OMD: variants seen among roughly 807,000 people sequenced by gnomAD.
OMD encodes the protein osteomodulin.
OMD carries 19 observed loss-of-function variants against 31.2 expected under a neutral mutation model. That is an observed-to-expected ratio of 0.61 (90% CI 0.42 to 0.89). The LOEUF (loss-of-function observed/expected upper bound fraction) is 0.89, where lower values mean the gene tolerates loss of function less well. OMD is among the 40% of genes least tolerant of loss of function. The pLI is 0.00. For missense variants in OMD, 448 were observed against 490.8 expected (o/e 0.91, Z 0.82); for synonymous variants, 155 against 166.4 (o/e 0.93, Z 0.53).
intron 1 of OMD, among the ~76,000 whole-genome samples, chr9:92,418,025 G>A (rs964642661): frequency 9.2e-5 from 14 of 151,950 alleles, no homozygotes; most frequent in African/African-American, 2.9e-4. Flanking sequence ...ACCACGCCTG[G>A]CCTCAAACCA....
chr9:92,417,787 C>T (rs977849991), intron 1 of OMD, among the ~76,000 whole-genome samples: 2 of 152,062 alleles, frequency 1.3e-5, no homozygotes, highest in African/African-American at 2.4e-5. Context: ...GGCACAATCT[C>T]GGCTCACTGC....
At chr9:92,419,108 T>G (rs545324503) in intron 1 of OMD, among the ~76,000 whole-genome samples, 2 of 152,252 alleles carry the variant, frequency 1.3e-5, no homozygotes, top group South Asian at 4.1e-4. Flanking sequence ...AAGGGCACAC[T>G]TCACAATGAA....
chr9:92,421,704 G>A (rs1049708055), intron 1 of OMD, among the ~76,000 whole-genome samples: 7 of 152,360 alleles, frequency 4.6e-5, no homozygotes, highest in Non-Finnish European at 8.8e-5. Context: ...TTCTAGTGAT[G>A]AGGCACTATG....
In OMD at chr9:92,424,263, A is replaced by G. The variant is rs1460509755; in HGVS notation, c.-78T>C. The stretch of plus-strand genomic sequence containing the variant: ...TTTGTAAATCCTTTAAATGAATCAG[A>G]AATTCCTAAATTCTTTAACTGAGTC... On this transcript the variant is annotated 5_prime_UTR_variant, in exon 1 of 3. Coordinates refer to ENST00000375550, the MANE Select transcript of OMD (RefSeq NM_005014.3). 1 of 152,230 alleles carries G rather than the reference A, an allele frequency of 6.6e-6. No individual in the cohort carries two copies. Among genetic ancestry groups the G allele is most frequent in the Non-Finnish European group, 1.5e-5 (1 of 68,038 alleles). 9.4% of individuals were successfully genotyped at this position (152,230 alleles called of 1,614,324 possible).
chr9:92,413,565 T>C lies in OMD; in HGVS notation c.*1587A>G, dbSNP rs987063121. Among the ~76,000 whole-genome samples, 5 of 152,246 alleles carry C rather than the reference T, an allele frequency of 3.3e-5. No individual in the cohort carries two copies. Among genetic ancestry groups the C allele is most frequent in the Non-Finnish European group, 5.9e-5 (4 of 68,050 alleles). ...TATAGTATTTTCCACGTATTAACTCTTAATGTTTGAATTTATATCCTGTAT... is the reference window on the plus strand; with the variant it reads ...TATAGTATTTTCCACGTATTAACTCCTAATGTTTGAATTTATATCCTGTAT... On this transcript the variant is annotated 3_prime_UTR_variant, in exon 3 of 3. Transcript: ENST00000375550.
intron 1 of OMD, among the ~76,000 whole-genome samples, chr9:92,419,991 T>C (rs1843736377): frequency 6.6e-6 from 1 of 152,182 alleles, no homozygotes; most frequent in African/African-American, 2.4e-5. Flanking sequence ...AAATTATAAA[T>C]GTAACTATTG....
chr9:92,416,477 G>A lies in OMD; in HGVS notation c.940+142C>T, dbSNP rs980965656. On this transcript the variant is annotated intron_variant, in intron 2 of 2. Transcript: ENST00000375550. ...ACTGAATAGCACACATTTCTCTGGGGCAGATTTCTGCCATTCCCTTAAGCA... is the reference window on the plus strand; with the variant it reads ...ACTGAATAGCACACATTTCTCTGGGACAGATTTCTGCCATTCCCTTAAGCA... 3 of 563,370 alleles carry A rather than the reference G, an allele frequency of 5.3e-6. No homozygotes were observed. The African/African-American group carries it at 5.7e-5, about 11-fold the overall frequency. 34.9% of individuals were successfully genotyped at this position (563,370 alleles called of 1,614,324 possible).
At chr9:92,422,205 C>G (rs1843825896) in intron 1 of OMD, among the ~76,000 whole-genome samples, 1 of 152,014 alleles carries the variant, frequency 6.6e-6, no homozygotes, top group Non-Finnish European at 1.5e-5. Flanking sequence ...CGTGCACCAC[C>G]ACGACTGGCT....
chr9:92,420,478 G>A (rs1191343970), intron 1 of OMD, among the ~76,000 whole-genome samples: 3 of 152,150 alleles, frequency 2.0e-5, no homozygotes, highest in African/African-American at 7.2e-5. Context: ...GGAGCATGGT[G>A]ACTGGTCTCA....
intron 1 of OMD, among the ~76,000 whole-genome samples, chr9:92,420,105 A>G (rs1039436188): frequency 1.3e-5 from 2 of 152,034 alleles, no homozygotes; most frequent in Non-Finnish European, 2.9e-5. Flanking sequence ...ATTTGCTCCC[A>G]TGCACCCGCA....
rs1843513527 is a variant in OMD, at chr9:92,413,908, A to G, written c.*1244T>C. On this transcript the variant is annotated 3_prime_UTR_variant, in exon 3 of 3. Coordinates refer to ENST00000375550, the MANE Select transcript of OMD (RefSeq NM_005014.3). ...CTTTAAACTGGTATTTCCAGAAAAA[A>G]AGACTTGCAAGCTTGAAAACTATTT... Among the ~76,000 whole-genome samples the G allele has an allele frequency of 2.6e-5, 4 of 152,194 alleles. No individual in the cohort carries two copies. The highest frequency in any genetic ancestry group is 2.6e-4 in the Admixed American group (4 of 15,274).
At chr9:92,418,669 C>G (rs571850440) in intron 1 of OMD, among the ~76,000 whole-genome samples, 1 of 152,250 alleles carries the variant, frequency 6.6e-6, no homozygotes, top group South Asian at 2.1e-4. Flanking sequence ...GGAGATTCTA[C>G]AACTTCTATT....
intron 2 of OMD, among the ~76,000 whole-genome samples, 197 bp from the exon 3 acceptor site, chr9:92,415,674 A>G (rs1843570523): frequency 1.3e-5 from 2 of 150,444 alleles, no homozygotes; most frequent in African/African-American, 4.8e-5. Flanking sequence ...TTAACAAAAT[A>G]TATATGGCTT....
At position 92,414,253 on chromosome 9, in the gene OMD, A is replaced by G. The variant is rs574688525; in HGVS notation, c.*899T>C. ...GGCTGATAAGCATAAAGTGTTTAGT[A>G]TTATCTTTAGAACTTTATTTTGCCA... is the stretch of plus-strand genomic sequence containing the variant. On this transcript the variant is annotated 3_prime_UTR_variant, in exon 3 of 3. Coordinates refer to ENST00000375550, the MANE Select transcript of OMD (RefSeq NM_005014.3). The G allele has an allele frequency of 1.8e-4, 33 of 183,784 alleles. 1 individual carries two copies. In the Middle Eastern group the frequency reaches 8.2e-3, roughly 46 times the overall value. 11.4% of individuals were successfully genotyped at this position (183,784 alleles called of 1,614,324 possible). A position where few individuals can be genotyped will look rare whatever the true frequency, so the allele number is the denominator to read the frequency against.
chr9:92,422,352 T>C (rs2130971698), intron 1 of OMD, among the ~76,000 whole-genome samples: 1 of 152,276 alleles, frequency 6.6e-6, no homozygotes, highest in Middle Eastern at 3.4e-3. Flanking sequence ...CCTGCCTGGC[T>C]GAAAACTCAG....
chr9:92,422,211 T>A (rs918186907), intron 1 of OMD, among the ~76,000 whole-genome samples: 2 of 152,010 alleles, frequency 1.3e-5, no homozygotes, highest in African/African-American at 4.8e-5. Flanking sequence ...CCACCACGAC[T>A]GGCTACATTT....
rs1299713067 is a variant in OMD at position 92,416,898 on chromosome 9, T to C, written c.661A>G (p.Ser221Gly). 3 of 1,613,938 alleles carry C rather than the reference T, an allele frequency of 1.9e-6. No homozygotes were observed. The highest frequency in any genetic ancestry group is 2.5e-6 in the Non-Finnish European group (3 of 1,179,990). The change falls in exon 2 of 3, where the codon AGT becomes GGT. Residue 221 changes from serine (S) to glycine (G), a missense_variant. By Grantham distance (56) the Ser-to-Gly change is moderately conservative. Coordinates refer to ENST00000375550, the MANE Select transcript of OMD (RefSeq NM_005014.3). ...MEKLMQLNLC[S>G]NRLESMPPGL... ...GGAGGCATTGATTCTAATCTGTTAC[T>C]GCAGAGGTTGAGCTGCATTAGTTTT...
chr9:92,417,604 G>C, intron 1 of OMD, 30 bp from the exon 2 acceptor site: 1 of 1,169,394 alleles, frequency 8.6e-7, no homozygotes, highest in Non-Finnish European at 1.2e-6. Flanking sequence ...AAACATTGTG[G>C]AGAAAGTGAG....
rs115821662 is a variant in OMD at position 92,419,670 on chromosome 9, T to G, written c.-16-2096A>C. Among the ~76,000 whole-genome samples, 308 of 152,352 alleles carry G rather than the reference T, an allele frequency of 2.0e-3. 2 individuals carry two copies. The highest frequency in any genetic ancestry group is 7.0e-3 in the African/African-American group (291 of 41,582). ...ATTGTATGAGCTATGCATGTACAAGTACTTTGCACGTTGAAAACTGCTATC... is the reference window on the plus strand; with the variant it reads ...ATTGTATGAGCTATGCATGTACAAGGACTTTGCACGTTGAAAACTGCTATC... On this transcript the variant is annotated intron_variant, in intron 1 of 2. Transcript: ENST00000375550.
Sources: allele counts gnomAD v4.1 joint callset (sites outside exome capture counted in the v4.1 genomes callset), GRCh38; gene constraint gnomAD v4.1.1; transcripts MANE v1.5; gene names NCBI Gene and HGNC (gene_info 2026-07-23, HGNC 2026-07-21).